The following TPRA1 variants were observed in gnomAD, a reference collection of about 807,000 sequenced individuals.
TPRA1 encodes transmembrane protein adipocyte-associated 1.
TPRA1 carries 28 observed loss-of-function variants against 40.1 expected under a neutral mutation model. The ratio of observed to expected loss-of-function variants is 0.70; its 90% CI spans 0.52 to 0.96. The LOEUF is 0.96. Among genes scored for constraint, TPRA1 ranks in the 40% least tolerant of loss-of-function variants. The pLI is 0.00. For missense variants in TPRA1, 441 were observed against 482.6 expected, an observed-to-expected ratio of 0.91 and a Z score of 0.81; for synonymous variants, 219 against 209.7, an observed-to-expected ratio of 1.04 and a Z score of -0.38.
At chr3:127,584,133 T>A (rs1275272994) in intron 1 of TPRA1, among the ~76,000 whole-genome samples, 1 of 141,708 alleles carries the variant, frequency 7.1e-6, no homozygotes, top group African/African-American at 2.6e-5. Flanking sequence ...AAAGCAAACT[T>A]GGAAAAAAAA....
chr3:127,584,495 G>GAGA (rs1264133990), intron 1 of TPRA1, among the ~76,000 whole-genome samples: 6 of 113,500 alleles, frequency 5.3e-5, no homozygotes, highest in Admixed American at 1.0e-4. Context: ...CAAACTTCTA[G>GAGA]AGATAAATGC....
At chr3:127,582,416 A>T (rs1319472340) in intron 1 of TPRA1, among the ~76,000 whole-genome samples, 1 of 151,874 alleles carries the variant, frequency 6.6e-6, no homozygotes, top group Non-Finnish European at 1.5e-5. Flanking sequence ...AAATACAAAA[A>T]TTGGCCGGGT....
chr3:127,573,908 A>G, intron 10 of TPRA1, 120 bp from the exon 11 acceptor site: 1 of 1,297,212 alleles, frequency 7.7e-7, no homozygotes, highest in Non-Finnish European at 1.0e-6. Flanking sequence ...CCTGACACCC[A>G]CTCTGAGTGG....
At chr3:127,596,122 C>A (rs151228407) in intron 1 of TPRA1, among the ~76,000 whole-genome samples, 2,657 of 152,060 alleles carry the variant, frequency 0.017, 39 homozygotes, top group Middle Eastern at 0.027. Flanking sequence ...TCTTTTTGCC[C>A]AGGCTGGAGT....
chr3:127,574,092 C>G (rs2073481167), intron 10 of TPRA1, among the ~76,000 whole-genome samples: 1 of 152,224 alleles, frequency 6.6e-6, no homozygotes, highest in East Asian at 1.9e-4. Flanking sequence ...TTCAACAGTG[C>G]CTGCCCAAGC....
chr3:127,596,598 A>G (rs2074244253), intron 1 of TPRA1, among the ~76,000 whole-genome samples: 1 of 152,204 alleles, frequency 6.6e-6, no homozygotes, highest in Admixed American at 6.5e-5. Context: ...CTACAGCTTC[A>G]GTCCAAACAC....
chr3:127,580,134 C>T lies in TPRA1; in HGVS notation c.13G>A (p.Glu5Lys). Residue 5 changes from glutamate (E) to lysine (K), a missense_variant, in exon 2 of 11, where the codon GAG (glutamate) becomes AAG (lysine). Transcript: ENST00000355552. MDTL[E>K]EVTWANGSTA... ...CTCCCATTGGCCCAAGTCACCTCCT[C>T]CAGGGTGTCCATCCCGCCAGCAGCC... 4 of 1,612,766 alleles carry T rather than the reference C, an allele frequency of 2.5e-6. No homozygotes were observed. The highest frequency in any genetic ancestry group is 3.4e-6 in the Non-Finnish European group (4 of 1,179,932).
intron 3 of TPRA1, among the ~76,000 whole-genome samples, chr3:127,579,443 G>A (rs1057254725): frequency 1.3e-5 from 2 of 152,146 alleles, no homozygotes; most frequent in East Asian, 3.9e-4. Flanking sequence ...AGGTGGGCCA[G>A]TCAGAGGAAA....
Position 127,575,193 on chromosome 3 carries a change from GC to G in TPRA1, c.845del (p.Gly282AlafsTer226). On this transcript the variant is annotated frameshift_variant, in exon 10 of 11. Coordinates refer to ENST00000355552, the MANE Select transcript of TPRA1 (RefSeq NM_001136053.4). LOFTEE classifies it high-confidence loss of function. ...APLIYVAFLR[G>X]FFGSEPKILF... ...GGCGGCCACAGACTCACCCGAAGAA[GC>G]CCCGGAGGAAAGCCACGTAGATGAG... 1 of 1,613,880 alleles carries G rather than the reference GC, an allele frequency of 6.2e-7. No individual in the cohort carries two copies. The highest frequency in any genetic ancestry group is 8.5e-7 in the Non-Finnish European group (1 of 1,179,966).
Position 127,576,260 on chromosome 3 carries a change from G to T in TPRA1, c.499-210C>A, listed in dbSNP as rs2073620372. ...CAGAGCCGGCCCAGTCTTGGGCTGA[G>T]TCACATGGGGAAGGGGGCAGAGATG... On this transcript the variant is annotated intron_variant, in intron 6 of 10. Transcript: ENST00000355552. This position sits in a 1 kb window ranked among gnomAD's most constrained non-coding sequence, Gnocchi z 4.6. Among the ~76,000 whole-genome samples, 1 of 152,178 alleles carries T rather than the reference G, an allele frequency of 6.6e-6. No individual in the cohort carries two copies. Among genetic ancestry groups the T allele is most frequent in the African/African-American group, 2.4e-5 (1 of 41,430 alleles).
At chr3:127,592,012 T>G (rs571428778), upstream of TPRA1, 2 of 152,382 alleles carry the variant, frequency 1.3e-5, no homozygotes, top group South Asian at 4.1e-4. Flanking sequence ...TTTCCCAGCC[T>G]GGACCACACC....
chr3:127,580,748 C>T (rs1005052756), intron 1 of TPRA1, among the ~76,000 whole-genome samples: 1 of 152,270 alleles, frequency 6.6e-6, no homozygotes, highest in Admixed American at 6.5e-5. Flanking sequence ...ACCATGCCCT[C>T]CTCGGTTGCA....
At chr3:127,575,289 G>T in intron 9 of TPRA1, 24 bp from the exon 10 acceptor site, 1 of 1,610,014 alleles carries the variant, frequency 6.2e-7, no homozygotes, top group South Asian at 1.1e-5. Context: ...GGGTCAGCGC[G>T]GGGCCTCCTA....
intron 1 of TPRA1, 57 bp from the exon 2 acceptor site, chr3:127,580,220 C>T (rs1254109109): frequency 6.4e-7 from 1 of 1,557,082 alleles, no homozygotes; most frequent in Non-Finnish European, 8.6e-7. Context: ...GTCCTCCTTC[C>T]CCTGGACCTG....
intron 10 of TPRA1, 115 bp downstream of exon 10, chr3:127,575,070 G>T: frequency 1.8e-6 from 2 of 1,116,678 alleles, no homozygotes. Flanking sequence ...GTATGTGCGT[G>T]CGCATGCGCA....
rs2073608632 is a variant in TPRA1 at position 127,576,005 on chromosome 3, C to A, written c.544G>T (p.Asp182Tyr). 1 of 1,614,042 alleles carries A rather than the reference C, an allele frequency of 6.2e-7. No individual in the cohort carries two copies. Among genetic ancestry groups the A allele is most frequent in the Non-Finnish European group, 8.5e-7 (1 of 1,180,024 alleles). Reference sequence around the variant, plus strand: ...CCCCCATGGCCATAGATATTAAAGTCCTCAGCTGAGAGATGGGCATCAGGG... The same window carrying A: ...CCCCCATGGCCATAGATATTAAAGTACTCAGCTGAGAGATGGGCATCAGGG... The part of the protein sequence containing the change: ...LYPDAHLSAE[D>Y]FNIYGHGGRQ... Residue 182 changes from aspartate to tyrosine, a missense_variant, in exon 7 of 11, where the codon GAC becomes TAC. Coordinates refer to ENST00000355552, the MANE Select transcript of TPRA1 (RefSeq NM_001136053.4). The surrounding 1 kb of genome is among the most constrained non-coding windows in gnomAD (Gnocchi z 4.6).
upstream of TPRA1, chr3:127,598,208 T>G: frequency 1.7e-6 from 1 of 578,770 alleles, no homozygotes; most frequent in Non-Finnish European, 3.1e-6. Context: ...CCGCTCCAGC[T>G]CCCACCACAG....
chr3:127,590,802 G>A (rs1414556102), upstream of TPRA1: 2 of 150,302 alleles, frequency 1.3e-5, no homozygotes, highest in Non-Finnish European at 2.9e-5. Context: ...CAGCCTATAG[G>A]AATAAGTCAT....
Position 127,573,382 on chromosome 3 carries a change from C to T in TPRA1, c.*139G>A, listed in dbSNP as rs985529653. 19 of 1,204,428 alleles carry T rather than the reference C, an allele frequency of 1.6e-5. No individual in the cohort carries two copies. The East Asian group carries it at 4.9e-4, about 31-fold the overall frequency. The allele number at this position is 1,204,428 out of a possible 1,614,324, so 74.6% of individuals were successfully genotyped here. On this transcript the variant is annotated 3_prime_UTR_variant, in exon 11 of 11. Coordinates refer to ENST00000355552, the MANE Select transcript of TPRA1 (RefSeq NM_001136053.4). ...ATTGGGAGCCCCAGGGAGGTGGGGC[C>T]TCCAGACTCATGGTGGGAACAGGGC...
Sources: gnomAD v4.1 joint callset for allele counts (sites outside exome capture counted in the v4.1 genomes callset) on GRCh38, gnomAD v4.1.1 for gene constraint, Gnocchi (gnomAD v3.1) non-coding constraint, MANE v1.5 for transcripts, NCBI Gene and HGNC (gene_info 2026-07-23, HGNC 2026-07-21) for gene names.